PCM1: variants seen among roughly 807,000 people sequenced by gnomAD.
PCM1 encodes pericentriolar material 1.
Under a neutral mutation model 241.9 loss-of-function variants are expected in PCM1, and 157 were observed. The ratio of observed to expected loss-of-function variants is 0.65; its 90% CI spans 0.57 to 0.74. The LOEUF (loss-of-function observed/expected upper bound fraction) is 0.74, where lower values mean the gene tolerates loss of function less well. PCM1 is among the 30% of genes least tolerant of loss of function. The probability of loss-of-function intolerance (pLI) is 0.00; values close to 1 mark genes in which losing one functional copy is unlikely to be tolerated. For synonymous variants in PCM1, 1,085 were observed against 784.9 expected (o/e 1.38, Z -6.39); for missense variants, 3,478 against 2,360.1 (o/e 1.47, Z -9.81).
intron 34 of PCM1, among the ~76,000 whole-genome samples, chr8:18,013,236 G>T (rs2092737494): frequency 6.6e-6 from 1 of 152,116 alleles, no homozygotes; most frequent in Non-Finnish European, 1.5e-5. Context: ...CCGTTATACA[G>T]GCATGCACTA....
In PCM1 at chr8:17,956,604, G is replaced by A. The variant is rs1208336026; in HGVS notation, c.1473G>A (p.Gln491=). The A allele has an allele frequency of 6.4e-6, 10 of 1,567,766 alleles. No homozygotes were observed. The highest frequency in any genetic ancestry group is 7.8e-6 in the Non-Finnish European group (9 of 1,152,026). ...TATACATAAATTTTTTGTTTATCAG[G>A]AAGTTAAATGAAGTTCGAAAGAGAT... ...EGHLNPSEKL[Q]KLNEVRKRLN... The change falls in exon 11 of 39, where the codon CAG becomes CAA. Residue 491 remains glutamine, a splice_region_variant and synonymous_variant. Coordinates refer to ENST00000325083, the MANE Select transcript of PCM1 (RefSeq NM_006197.4).
chr8:18,005,674 T>G (rs900253192), intron 29 of PCM1, among the ~76,000 whole-genome samples: 5 of 152,172 alleles, frequency 3.3e-5, no homozygotes, highest in African/African-American at 1.2e-4. Context: ...TGAAGTGATT[T>G]GTTAAGAAAG....
chr8:17,962,231 T>C (rs1270079628), intron 16 of PCM1, 57 bp downstream of exon 16: 13 of 1,460,816 alleles, frequency 8.9e-6, no homozygotes, highest in South Asian at 6.4e-5. Context: ...CCTTTTTTTT[T>C]CTTCAATAAG....
At chr8:18,003,455 C>A (rs1186546879) in intron 29 of PCM1, among the ~76,000 whole-genome samples, 1 of 152,126 alleles carries the variant, frequency 6.6e-6, no homozygotes, top group Non-Finnish European at 1.5e-5. Flanking sequence ...CCTAGAATGA[C>A]CTTCTCCTCT....
chr8:17,979,473 A>G (rs1050035169), intron 23 of PCM1, among the ~76,000 whole-genome samples: 2 of 152,182 alleles, frequency 1.3e-5, no homozygotes, highest in Non-Finnish European at 2.9e-5. Flanking sequence ...AAGTGTGTGA[A>G]TATTTTTCTC....
chr8:18,019,889 T>C (rs965934486), intron 36 of PCM1, among the ~76,000 whole-genome samples: 1 of 152,208 alleles, frequency 6.6e-6, no homozygotes, highest in Non-Finnish European at 1.5e-5. Context: ...AGAGAGAATT[T>C]TCCTCTTAAC....
At chr8:17,967,852 G>C (rs750087623) in intron 21 of PCM1, among the ~76,000 whole-genome samples, 3 of 152,098 alleles carry the variant, frequency 2.0e-5, no homozygotes, top group Non-Finnish European at 2.9e-5. Context: ...TTTAGCTTAA[G>C]CTTTTCTTTG....
intron 30 of PCM1, among the ~76,000 whole-genome samples, chr8:18,006,687 A>G (rs1309036728): frequency 6.6e-6 from 1 of 152,160 alleles, no homozygotes; most frequent in Non-Finnish European, 1.5e-5. Flanking sequence ...TTTGAGTTTG[A>G]AATGTTTACA....
chr8:17,960,387 A>G lies in PCM1; in HGVS notation c.2265A>G (p.Lys755=). Residue 755 remains lysine (K), a synonymous_variant, in exon 15 of 39, where the codon AAA becomes AAG. Transcript: ENST00000325083. Reference sequence around the variant, plus strand: ...AACAATTGCAGGAAGAAAGAAAGAAACTGATTGACATTCAGGAGAAAATTC... The same window carrying G: ...AACAATTGCAGGAAGAAAGAAAGAAGCTGATTGACATTCAGGAGAAAATTC... The part of the protein sequence containing the change: ...ELKQLQEERK[K]LIDIQEKIQA... 1 of 1,608,410 alleles carries G rather than the reference A, an allele frequency of 6.2e-7. No homozygotes were observed. The highest frequency in any genetic ancestry group is 8.5e-7 in the Non-Finnish European group (1 of 1,178,096).
intron 24 of PCM1, among the ~76,000 whole-genome samples, chr8:17,981,333 T>A (rs1370404744): frequency 1.3e-5 from 2 of 152,220 alleles, no homozygotes; most frequent in African/African-American, 4.8e-5. Context: ...TTAATACAAT[T>A]TTAATTCTGA....
At chr8:17,949,225 G>A (rs208762) in intron 7 of PCM1, among the ~76,000 whole-genome samples, 118,847 of 152,000 alleles carry the variant, frequency 0.78, 47,019 homozygotes, top group African/African-American at 0.86. Flanking sequence ...GCAGGGGCAT[G>A]CTAATGAAAA....
intron 23 of PCM1, among the ~76,000 whole-genome samples, chr8:17,974,531 A>G (rs916481148): frequency 7.9e-5 from 12 of 152,284 alleles, no homozygotes; most frequent in Middle Eastern, 3.4e-3. Flanking sequence ...TGCCTTCCTA[A>G]CAGACTCTCT....
intron 2 of PCM1, chr8:17,934,674 A>T (rs897702879): frequency 6.6e-6 from 1 of 152,132 alleles, no homozygotes; most frequent in Admixed American, 6.5e-5. Flanking sequence ...CTTGAATTTT[A>T]GATAAAATTA....
At chr8:18,008,511 T>C (rs1325392489) in intron 30 of PCM1, among the ~76,000 whole-genome samples, 1 of 152,000 alleles carries the variant, frequency 6.6e-6, no homozygotes, top group East Asian at 1.9e-4. Flanking sequence ...CCCCAAGCTA[T>C]GGTTGGGGGA....
chr8:18,006,053 G>A (rs1335498411), intron 29 of PCM1: 8 of 432,218 alleles, frequency 1.9e-5, no homozygotes, highest in African/African-American at 1.2e-4. Context: ...ATCTGCTTTC[G>A]TGGGTCAAAA....
intron 5 of PCM1, among the ~76,000 whole-genome samples, chr8:17,939,362 A>C (rs12546204): frequency 0.67 from 102,027 of 151,816 alleles, 34,947 homozygotes; most frequent in Non-Finnish European, 0.74. Flanking sequence ...ACTATAATAC[A>C]TTTAATTAAT....
At chr8:17,964,795 C>G in intron 18 of PCM1, 27 bp downstream of exon 18, 1 of 1,571,608 alleles carries the variant, frequency 6.4e-7, no homozygotes, top group African/African-American at 1.3e-5. Context: ...TAATTTTGTG[C>G]TTAATTTAAG....
chr8:17,928,536 A>AC (rs948134167), intron 2 of PCM1, among the ~76,000 whole-genome samples: 4 of 145,578 alleles, frequency 2.7e-5, no homozygotes, highest in African/African-American at 1.0e-4. Context: ...TTTGCTCTAG[A>AC]CCCCAATGGC....
At chr8:18,025,683 G>T in intron 38 of PCM1, 25 bp downstream of exon 38, 2 of 1,299,644 alleles carry the variant, frequency 1.5e-6, no homozygotes, top group Admixed American at 4.4e-5. Flanking sequence ...TTTAAATCTT[G>T]CCATATTGAA....
Sources: allele counts gnomAD v4.1 joint callset (sites outside exome capture counted in the v4.1 genomes callset), GRCh38; gene constraint gnomAD v4.1.1; transcripts MANE v1.5; gene names NCBI Gene and HGNC (gene_info 2026-07-23, HGNC 2026-07-21).